Variants in RERE observed in about 807,000 individuals in gnomAD.
RERE encodes arginine-glutamic acid dipeptide repeats.
A neutral mutation model predicts 146.1 loss-of-function variants in RERE; 40 were observed. That is an observed-to-expected ratio of 0.27 (90% CI 0.21 to 0.36). The LOEUF (loss-of-function observed/expected upper bound fraction) is 0.36. Among genes scored for constraint, RERE ranks in the 10% least tolerant of loss-of-function variants. The pLI is 1.00. For missense variants in RERE, 1,933 were observed against 2,138.7 expected, an observed-to-expected ratio of 0.90 and a Z score of 1.90; for synonymous variants, 1,003 against 866.0, an observed-to-expected ratio of 1.16 and a Z score of -2.78.
intron 11 of RERE, among the ~76,000 whole-genome samples, chr1:8,438,224 C>T (rs1219276462): frequency 4.0e-5 from 6 of 149,556 alleles, no homozygotes; most frequent in Non-Finnish European, 3.0e-5. Context: ...CTCTTGATTT[C>T]AAGCAATCCT....
chr1:8,732,721 G>A (rs1024403678), intron 1 of RERE, among the ~76,000 whole-genome samples: 1 of 148,650 alleles, frequency 6.7e-6, no homozygotes, highest in South Asian at 2.2e-4. Context: ...CATGCAAGAT[G>A]TTAATAATAG....
intron 6 of RERE, among the ~76,000 whole-genome samples, chr1:8,541,876 C>G (rs1330180483): frequency 6.6e-6 from 1 of 151,922 alleles, no homozygotes; most frequent in Non-Finnish European, 1.5e-5. Flanking sequence ...AAACATGGGC[C>G]CCAATATACA....
intron 12 of RERE, among the ~76,000 whole-genome samples, chr1:8,380,544 T>A (rs1453442849): frequency 6.6e-6 from 1 of 152,114 alleles, no homozygotes. Flanking sequence ...GGATGGCGTT[T>A]CACCATGTTG....
At chr1:8,653,005 CTGTT>C (rs1192761053) in intron 2 of RERE, among the ~76,000 whole-genome samples, 1 of 152,162 alleles carries the variant, frequency 6.6e-6, no homozygotes, top group Admixed American at 6.5e-5. Flanking sequence ...AGATCCAAGA[CTGTT>C]TGTGGTTTGT....
intron 1 of RERE, among the ~76,000 whole-genome samples, chr1:8,746,745 A>G (rs572089519): frequency 2.0e-4 from 30 of 150,748 alleles, no homozygotes; most frequent in Admixed American, 4.0e-4. Flanking sequence ...CACCTGGCAG[A>G]TAAGAGAAAC....
chr1:8,452,349 A>ACACCCACTACCCAAAT (rs1644399366), intron 11 of RERE, among the ~76,000 whole-genome samples: 1 of 152,172 alleles, frequency 6.6e-6, no homozygotes, highest in South Asian at 2.1e-4. Context: ...GCACTCATTT[A>ACACCCACTACCCAAAT]CACCCACTAC....
Position 8,423,369 on chromosome 1 carries a change from C to T in RERE, c.1204-562G>A. 4.7e-6 allele frequency: 1 copy of T among 212,974 alleles called. No individual in the cohort carries two copies. Among genetic ancestry groups the T allele is most frequent in the Non-Finnish European group, 8.1e-6 (1 of 123,402 alleles). The allele number at this position is 212,974 out of a possible 1,614,324, so 13.2% of individuals were successfully genotyped here. A position where few individuals can be genotyped will look rare whatever the true frequency, so the allele number is the denominator to read the frequency against. ...CCAGCGGGCCTGCCCCACCGTCCGT[C>T]ATTAAAAGCCACTCCGAGACACCAG... On this transcript the variant is annotated intron_variant, in intron 11 of 22. Transcript: ENST00000400908. This position sits in a 1 kb window ranked among gnomAD's most constrained non-coding sequence, Gnocchi z 5.4.
intron 11 of RERE, among the ~76,000 whole-genome samples, chr1:8,449,003 G>T (rs920779908): frequency 6.6e-6 from 1 of 152,124 alleles, no homozygotes; most frequent in African/African-American, 2.4e-5. Context: ...CAGCTCTTTC[G>T]CTTGGTTAAC....
intron 1 of RERE, among the ~76,000 whole-genome samples, chr1:8,814,365 C>A (rs1206349336): frequency 6.6e-6 from 1 of 152,238 alleles, no homozygotes; most frequent in Non-Finnish European, 1.5e-5. Flanking sequence ...CAGATTATCT[C>A]TGAAACTGCA....
intron 4 of RERE, among the ~76,000 whole-genome samples, chr1:8,585,188 T>G (rs1005118671): frequency 2.6e-5 from 4 of 151,662 alleles, no homozygotes; most frequent in Non-Finnish European, 4.4e-5. Context: ...AGTCTAATTC[T>G]GTCACCCCTT....
At chr1:8,798,666 T>C (rs1641528020) in intron 1 of RERE, 2 of 210,584 alleles carry the variant, frequency 9.5e-6, no homozygotes, top group South Asian at 9.2e-5. Flanking sequence ...AAGAAGAAGA[T>C]GAAGAAGAGT....
At chr1:8,370,313 C>T (rs903410417) in intron 12 of RERE, among the ~76,000 whole-genome samples, 5 of 151,864 alleles carry the variant, frequency 3.3e-5, no homozygotes, top group East Asian at 1.9e-4. Context: ...ACCAAACTAG[C>T]GGTTGCCGAG....
chr1:8,535,044 G>C (rs954757173), intron 7 of RERE, among the ~76,000 whole-genome samples: 2 of 152,072 alleles, frequency 1.3e-5, no homozygotes, highest in African/African-American at 2.4e-5. Flanking sequence ...GATCACTGAG[G>C]GGGGAGGGAG....
rs1186718390 is a variant in RERE, at chr1:8,369,508, T to TAAAAAAAAAAAAAA, written c.1285-3548_1285-3535dup. Among the ~76,000 whole-genome samples, 86 of 76,884 alleles carry TAAAAAAAAAAAAAA rather than the reference T, an allele frequency of 1.1e-3. 1 individual carries two copies. The highest frequency in any genetic ancestry group is 2.5e-3 in the African/African-American group (58 of 23,656). The allele number at this position is 76,884 out of a possible 152,430, so 50.4% of individuals were successfully genotyped here. ...ATCGAATAAATCTTTCGCCTTTTAC[T>TAAAAAAAAAAAAAA]AAAAAAAAAAAAAAAAAAAAAAAAA... is the stretch of plus-strand genomic sequence containing the variant. On this transcript the variant is annotated intron_variant, in intron 12 of 22. Transcript: ENST00000400908.
At chr1:8,440,677 C>A (rs528310679) in intron 11 of RERE, among the ~76,000 whole-genome samples, 8 of 146,744 alleles carry the variant, frequency 5.5e-5, no homozygotes, top group Admixed American at 2.1e-4. Flanking sequence ...CACCTAACGT[C>A]GAGTTTGAGA....
chr1:8,734,445 G>A (rs1296845637), intron 1 of RERE, among the ~76,000 whole-genome samples: 2 of 152,040 alleles, frequency 1.3e-5, no homozygotes, highest in Non-Finnish European at 2.9e-5. Context: ...TAATATTATA[G>A]TTTCCCAAAG....
At chr1:8,389,225 A>G (rs889733276) in intron 12 of RERE, among the ~76,000 whole-genome samples, 64 of 152,322 alleles carry the variant, frequency 4.2e-4, no homozygotes, top group African/African-American at 1.5e-3. Context: ...ACAGTCTCCA[A>G]ATATAATCTA....
At chr1:8,563,687 G>A (rs965261279) in intron 4 of RERE, among the ~76,000 whole-genome samples, 1 of 152,162 alleles carries the variant, frequency 6.6e-6, no homozygotes, top group African/African-American at 2.4e-5. Context: ...CTTAGTCATG[G>A]GGGCTCTTGA....
intron 2 of RERE, among the ~76,000 whole-genome samples, chr1:8,655,202 C>T (rs2124330182): frequency 6.6e-6 from 1 of 150,558 alleles, no homozygotes; most frequent in South Asian, 2.1e-4. Context: ...CATCTCTGAT[C>T]TTCAGGGCTT....
Sources: gnomAD v4.1 joint callset for allele counts (sites outside exome capture counted in the v4.1 genomes callset) on GRCh38, gnomAD v4.1.1 for gene constraint, Gnocchi (gnomAD v3.1) non-coding constraint, MANE v1.5 for transcripts, NCBI Gene and HGNC (gene_info 2026-07-23, HGNC 2026-07-21) for gene names.